The following ATG10 variants were observed in gnomAD, a reference collection of about 807,000 sequenced individuals.
ATG10 encodes ubiquitin-like-conjugating enzyme ATG10.
ATG10 carries 30 observed loss-of-function variants against 32.1 expected under a neutral mutation model. That is an observed-to-expected ratio of 0.94 (90% CI 0.70 to 1.27). The LOEUF is 1.27. ATG10 is among the 50% of genes most tolerant of loss of function. ATG10 has a pLI of 0.00. For missense variants in ATG10, 233 were observed against 262.3 expected, an observed-to-expected ratio of 0.89 and a Z score of 0.77; for synonymous variants, 87 against 91.5, an observed-to-expected ratio of 0.95 and a Z score of 0.28.
chr5:82,001,948 C>T (rs1761860760), intron 2 of ATG10, among the ~76,000 whole-genome samples: 1 of 151,982 alleles, frequency 6.6e-6, no homozygotes, highest in African/African-American at 2.4e-5. Flanking sequence ...AAGCAAAAAA[C>T]CCAATCCCAT....
intron 3 of ATG10, among the ~76,000 whole-genome samples, chr5:82,140,132 G>GC (rs1767024184): frequency 8.6e-6 from 1 of 115,798 alleles, no homozygotes; most frequent in Non-Finnish European, 1.8e-5. Context: ...CTGCCCGGCC[G>GC]CCCCTTCTGG....
intron 5 of ATG10, among the ~76,000 whole-genome samples, chr5:82,204,591 G>A (rs1017000396): frequency 6.6e-6 from 1 of 152,144 alleles, no homozygotes; most frequent in African/African-American, 2.4e-5. Flanking sequence ...GAGCAGGACT[G>A]GAAGCAAGGA....
intron 3 of ATG10, among the ~76,000 whole-genome samples, chr5:82,076,151 A>G (rs987798138): frequency 6.6e-6 from 1 of 152,110 alleles, no homozygotes; most frequent in African/African-American, 2.4e-5. Context: ...CCTTCAACAA[A>G]CATGTTTTTG....
intron 3 of ATG10, among the ~76,000 whole-genome samples, chr5:82,124,389 T>A (rs906292617): frequency 2.2e-4 from 33 of 151,922 alleles, no homozygotes; most frequent in African/African-American, 7.7e-4. Context: ...CATGGTGGTT[T>A]GCTCCACCCA....
At chr5:82,125,635 A>C (rs1366058797) in intron 3 of ATG10, among the ~76,000 whole-genome samples, 2 of 151,946 alleles carry the variant, frequency 1.3e-5, no homozygotes, top group Admixed American at 6.6e-5. Flanking sequence ...TGGTCTATAT[A>C]TCTGTTTTGA....
intron 3 of ATG10, among the ~76,000 whole-genome samples, chr5:82,160,936 A>G (rs1743305052): frequency 6.6e-6 from 1 of 152,146 alleles, no homozygotes; most frequent in African/African-American, 2.4e-5. Context: ...TTCAGACTGA[A>G]ATAGAAAATA....
At chr5:82,182,197 A>C (rs761409199) in intron 5 of ATG10, among the ~76,000 whole-genome samples, 2 of 152,144 alleles carry the variant, frequency 1.3e-5, no homozygotes, top group Admixed American at 6.6e-5. Context: ...TCAGATAAGT[A>C]ATTTTTTCTT....
chr5:82,129,917 C>T (rs1417052460), intron 3 of ATG10, among the ~76,000 whole-genome samples: 2 of 152,122 alleles, frequency 1.3e-5, no homozygotes, highest in Non-Finnish European at 2.9e-5. Context: ...CAGGCAAGAA[C>T]GTTTAAGTCT....
At chr5:82,111,364 G>A (rs1388819378) in intron 3 of ATG10, 3 of 151,770 alleles carry the variant, frequency 2.0e-5, no homozygotes, top group East Asian at 1.9e-4. Context: ...TTTGTGTTAC[G>A]GATGTCTTCT....
At chr5:82,038,203 A>T (rs1762989538) in intron 2 of ATG10, among the ~76,000 whole-genome samples, 1 of 152,204 alleles carries the variant, frequency 6.6e-6, no homozygotes, top group Non-Finnish European at 1.5e-5. Flanking sequence ...AGAGTCACTT[A>T]TAAATATGTG....
intron 5 of ATG10, among the ~76,000 whole-genome samples, chr5:82,236,018 T>C (rs758176482): frequency 2.0e-5 from 3 of 152,220 alleles, no homozygotes; most frequent in Admixed American, 6.5e-5. Flanking sequence ...CAAAGAATTA[T>C]TTGAGGATGG....
intron 2 of ATG10, among the ~76,000 whole-genome samples, chr5:81,997,575 A>G (rs944842137): frequency 1.3e-5 from 2 of 152,234 alleles, no homozygotes; most frequent in African/African-American, 2.4e-5. Context: ...GAATACGGAT[A>G]GGAATGACGA....
Position 82,202,678 on chromosome 5 carries a change from A to G in ATG10, c.453+24091A>G, listed in dbSNP as rs192522702. Among the ~76,000 whole-genome samples the G allele has an allele frequency of 7.2e-4, 110 of 152,360 alleles. 1 individual carries two copies. Among genetic ancestry groups the G allele is most frequent in the African/African-American group, 2.5e-3 (106 of 41,586 alleles). ...GGCTTCTCTTGGAGTTTTAGCTTCC[A>G]GATCTGCTGTTCCATGTAGTTCCGT... On this transcript the variant is annotated intron_variant, in intron 5 of 7. Coordinates refer to ENST00000282185, the MANE Select transcript of ATG10 (RefSeq NM_031482.5).
At chr5:82,210,532 A>G (rs1745454511) in intron 5 of ATG10, among the ~76,000 whole-genome samples, 1 of 152,162 alleles carries the variant, frequency 6.6e-6, no homozygotes, top group Non-Finnish European at 1.5e-5. Flanking sequence ...TCCAAATACC[A>G]GGCTCATTTC....
At chr5:82,237,899 A>G (rs1746629533) in intron 5 of ATG10, among the ~76,000 whole-genome samples, 1 of 152,226 alleles carries the variant, frequency 6.6e-6, no homozygotes. Flanking sequence ...CCTGCTATAC[A>G]GACTTATGTT....
intron 2 of ATG10, among the ~76,000 whole-genome samples, chr5:82,000,114 T>C (rs1339030654): frequency 6.6e-6 from 1 of 152,254 alleles, no homozygotes; most frequent in East Asian, 1.9e-4. Context: ...AAAGCTAATC[T>C]GCCATGATTA....
At chr5:82,253,487 C>T in intron 7 of ATG10, 58 bp downstream of exon 7, 1 of 1,132,336 alleles carries the variant, frequency 8.8e-7, no homozygotes, top group South Asian at 1.3e-5. Context: ...GTCTCCATTG[C>T]ATTTAGACTC....
intron 3 of ATG10, among the ~76,000 whole-genome samples, chr5:82,122,408 A>T (rs1028587798): frequency 2.0e-5 from 3 of 151,990 alleles, no homozygotes; most frequent in Admixed American, 6.6e-5. Context: ...GCTATAAAAC[A>T]CTGGAAGACA....
At chr5:82,191,152 A>G (rs1483867480) in intron 5 of ATG10, among the ~76,000 whole-genome samples, 2 of 152,252 alleles carry the variant, frequency 1.3e-5, no homozygotes, top group African/African-American at 4.8e-5. Context: ...TCTGATGTCA[A>G]CCAGTCTTTT....
Sources: gnomAD v4.1 joint callset for allele counts (sites outside exome capture counted in the v4.1 genomes callset) on GRCh38, gnomAD v4.1.1 for gene constraint, MANE v1.5 for transcripts, NCBI Gene and HGNC (gene_info 2026-07-23, HGNC 2026-07-21) for gene names.